MAMDC2: variants seen among roughly 807,000 people sequenced by gnomAD.
MAMDC2 encodes the protein MAM domain containing 2, also known as MAM domain-containing protein 2.
Under a neutral mutation model 89.8 loss-of-function variants are expected in MAMDC2, and 57 were observed. The observed-to-expected ratio is 0.63, with a 90% CI of 0.51 to 0.79. The LOEUF is 0.79. Ranked by LOEUF, MAMDC2 falls within the 30% of genes least tolerant of loss-of-function variation. The pLI is 0.00. For synonymous variants in MAMDC2, 313 were observed against 293.4 expected, an observed-to-expected ratio of 1.07 and a Z score of -0.68; for missense variants, 800 against 820.6, an observed-to-expected ratio of 0.97 and a Z score of 0.31.
intron 7 of MAMDC2, among the ~76,000 whole-genome samples, chr9:70,136,348 C>T (rs368192647): frequency 2.0e-5 from 3 of 152,176 alleles, no homozygotes; most frequent in South Asian, 2.1e-4. Context: ...AAGTTTACTC[C>T]GTATCATTTT....
At chr9:70,164,388 A>G in intron 9 of MAMDC2, among the ~76,000 whole-genome samples, 1 of 152,138 alleles carries the variant, frequency 6.6e-6, no homozygotes, top group East Asian at 1.9e-4. Flanking sequence ...TTCTTTGCAA[A>G]TATGTTTTTA....
At chr9:70,187,469 C>A (rs927239106) in intron 11 of MAMDC2, among the ~76,000 whole-genome samples, 7 of 152,028 alleles carry the variant, frequency 4.6e-5, no homozygotes, top group African/African-American at 1.7e-4. Flanking sequence ...AATTTGCATT[C>A]CAAATAATTC....
Position 70,143,711 on chromosome 9 carries a change from C to T in MAMDC2, c.1296C>T (p.Ile432=). 6.2e-7 allele frequency: 1 copy of T among 1,614,146 alleles called. No homozygotes were observed. The highest frequency in any genetic ancestry group is 8.5e-7 in the Non-Finnish European group (1 of 1,180,008). Residue 432 remains isoleucine (I), a synonymous_variant, in exon 9 of 14, where the codon ATC becomes ATT. Coordinates refer to ENST00000377182, the MANE Select transcript of MAMDC2 (RefSeq NM_153267.5). ...TGAGTGACACCCTAGCAGTTTACATCTTTGAAGAGAACCATGTGGTTCAAG... is the reference window on the plus strand; with the variant it reads ...TGAGTGACACCCTAGCAGTTTACATTTTTGAAGAGAACCATGTGGTTCAAG... ...LKMSDTLAVY[I]FEENHVVQEK...
chr9:70,140,015 A>G, intron 7 of MAMDC2, 130 bp from the exon 8 acceptor site: 2 of 879,206 alleles, frequency 2.3e-6, no homozygotes, highest in Non-Finnish European at 1.6e-6. Context: ...TTGGATAAAG[A>G]TATTTAGTTG....
At chr9:70,101,358 G>GA (rs59233749) in intron 2 of MAMDC2, among the ~76,000 whole-genome samples, 9,711 of 151,940 alleles carry the variant, frequency 0.064, 985 homozygotes, top group African/African-American at 0.21. Context: ...ATTGAAAAAA[G>GA]AAAAATATTT....
intron 2 of MAMDC2, among the ~76,000 whole-genome samples, chr9:70,059,470 C>T (rs1352802589): frequency 6.6e-6 from 1 of 152,134 alleles, no homozygotes; most frequent in Non-Finnish European, 1.5e-5. Context: ...TCGTGTTAAG[C>T]TCTTCTTTCA....
At chr9:70,071,243 G>C (rs7035878) in intron 2 of MAMDC2, among the ~76,000 whole-genome samples, 23,429 of 152,154 alleles carry the variant, frequency 0.15, 1,833 homozygotes, top group East Asian at 0.17. Flanking sequence ...CTCGAGAGTA[G>C]TACTTGATTT....
chr9:70,214,313 G>T (rs1029021922), intron 11 of MAMDC2, among the ~76,000 whole-genome samples: 1 of 152,216 alleles, frequency 6.6e-6, no homozygotes, highest in Non-Finnish European at 1.5e-5. Context: ...AGGTAAGAGA[G>T]TGAGACCTGA....
chr9:70,160,193 C>G (rs746582972), intron 9 of MAMDC2, among the ~76,000 whole-genome samples: 3 of 151,922 alleles, frequency 2.0e-5, no homozygotes, highest in Non-Finnish European at 2.9e-5. Flanking sequence ...GCCTGGGCAA[C>G]AGAGGGAGAC....
chr9:70,130,203 T>C (rs546175844), intron 6 of MAMDC2, among the ~76,000 whole-genome samples: 12 of 152,082 alleles, frequency 7.9e-5, no homozygotes, highest in Non-Finnish European at 1.6e-4. Context: ...AGGTTGGCAC[T>C]TCAACACAGG....
intron 6 of MAMDC2, among the ~76,000 whole-genome samples, chr9:70,131,014 A>G (rs575126282): frequency 6.6e-6 from 1 of 152,262 alleles, no homozygotes; most frequent in East Asian, 1.9e-4. Context: ...AAACTAGGTA[A>G]TTTATAAACA....
chr9:70,218,625 A>G, intron 12 of MAMDC2, 29 bp downstream of exon 12: 1 of 1,553,270 alleles, frequency 6.4e-7, no homozygotes, highest in Non-Finnish European at 8.7e-7. Flanking sequence ...GAACTAAGCA[A>G]TGGAAAACGT....
At chr9:70,045,451 C>T (rs1330646006) in intron 2 of MAMDC2, among the ~76,000 whole-genome samples, 1 of 152,146 alleles carries the variant, frequency 6.6e-6, no homozygotes, top group African/African-American at 2.4e-5. Flanking sequence ...GGTGTCCCTT[C>T]TTTCCTTTCT....
chr9:70,179,352 AACAC>A (rs56198912), intron 11 of MAMDC2, among the ~76,000 whole-genome samples: 4 of 147,636 alleles, frequency 2.7e-5, no homozygotes, highest in Middle Eastern at 3.2e-3. Flanking sequence ...CTCTACTAAA[AACAC>A]ACACACACAC....
chr9:70,179,998 A>C (rs1014300873), intron 11 of MAMDC2, among the ~76,000 whole-genome samples: 1 of 151,196 alleles, frequency 6.6e-6, no homozygotes, highest in African/African-American at 2.4e-5. Flanking sequence ...TAAGCCCTGC[A>C]TGCATTAGAT....
At chr9:70,203,488 AT>A (rs2033150436) in intron 11 of MAMDC2, among the ~76,000 whole-genome samples, 1 of 138,686 alleles carries the variant, frequency 7.2e-6, no homozygotes, top group African/African-American at 2.6e-5. Flanking sequence ...TGCCCTTAAC[AT>A]TTTTTCCTCC....
At chr9:70,203,407 G>T (rs1409157455) in intron 11 of MAMDC2, among the ~76,000 whole-genome samples, 1 of 127,424 alleles carries the variant, frequency 7.8e-6, no homozygotes, top group Non-Finnish European at 1.7e-5. Context: ...GGCTTGTAGG[G>T]TTTCTGCCGA....
At chr9:70,166,625 C>T (rs1245407605) in intron 9 of MAMDC2, among the ~76,000 whole-genome samples, 2 of 152,048 alleles carry the variant, frequency 1.3e-5, no homozygotes, top group Non-Finnish European at 2.9e-5. Context: ...TTTATTTCTT[C>T]TATTTTTAAA....
At chr9:70,059,317 A>G (rs1308205729) in intron 2 of MAMDC2, among the ~76,000 whole-genome samples, 1 of 152,074 alleles carries the variant, frequency 6.6e-6, no homozygotes, top group South Asian at 2.1e-4. Context: ...AATTCTTACA[A>G]CCCAGTGACG....
Sources: allele counts gnomAD v4.1 joint callset (sites outside exome capture counted in the v4.1 genomes callset), GRCh38; gene constraint gnomAD v4.1.1; transcripts MANE v1.5; gene names NCBI Gene and HGNC (gene_info 2026-07-23, HGNC 2026-07-21).